The following SYT1 variants were observed in gnomAD, a reference collection of about 807,000 sequenced individuals.
SYT1 encodes synaptotagmin 1.
In SYT1, 8 loss-of-function variants were observed where a neutral mutation model predicts 44.8. The observed-to-expected ratio is 0.18, with a 90% confidence interval of 0.10 to 0.32. The LOEUF is 0.32. Ranked by LOEUF, SYT1 falls within the 10% of genes least tolerant of loss-of-function variation. SYT1 has a pLI of 1.00. For synonymous variants in SYT1, 154 were observed against 188.8 expected (o/e 0.82, Z 1.51); for missense variants, 286 against 509.3 (o/e 0.56, Z 4.22).
At chr12:79,136,562 C>G (rs1869204457) in intron 3 of SYT1, among the ~76,000 whole-genome samples, 2 of 152,148 alleles carry the variant, frequency 1.3e-5, no homozygotes, top group African/African-American at 4.8e-5. Flanking sequence ...ATACTATTTT[C>G]TGTAGCTTCT....
At chr12:78,955,934 G>A (rs1447135319) in intron 1 of SYT1, among the ~76,000 whole-genome samples, 3 of 150,616 alleles carry the variant, frequency 2.0e-5, no homozygotes, top group East Asian at 2.0e-4. Flanking sequence ...GTTCAAACTC[G>A]TAGTTTAATA....
At chr12:79,188,758 A>T (rs1343463357) in intron 3 of SYT1, among the ~76,000 whole-genome samples, 2 of 152,084 alleles carry the variant, frequency 1.3e-5, no homozygotes, top group African/African-American at 4.8e-5. Context: ...CCCCACAAAG[A>T]GTAAGGAGAG....
At chr12:79,188,687 TC>T (rs1872939175) in intron 3 of SYT1, among the ~76,000 whole-genome samples, 1 of 152,156 alleles carries the variant, frequency 6.6e-6, no homozygotes, top group Non-Finnish European at 1.5e-5. Flanking sequence ...TTTTTTTCTA[TC>T]TTGAGGGAAA....
At chr12:79,445,472 CT>C (rs1436819277) in intron 10 of SYT1, among the ~76,000 whole-genome samples, 1 of 151,982 alleles carries the variant, frequency 6.6e-6, no homozygotes, top group Non-Finnish European at 1.5e-5. Flanking sequence ...CCTTCCCAGT[CT>C]TTAGTATCCT....
chr12:79,234,535 T>A, intron 4 of SYT1, among the ~76,000 whole-genome samples: 1 of 152,234 alleles, frequency 6.6e-6, no homozygotes, highest in Admixed American at 6.5e-5. Context: ...GTCTGATTTC[T>A]TTCACTTAGC....
intron 3 of SYT1, among the ~76,000 whole-genome samples, chr12:79,087,274 A>T (rs1877445269): frequency 6.6e-6 from 1 of 152,160 alleles, no homozygotes; most frequent in Non-Finnish European, 1.5e-5. Flanking sequence ...GCTATTAAAA[A>T]AGCAGAAGGA....
chr12:79,382,154 G>C (rs1053578813), intron 9 of SYT1, among the ~76,000 whole-genome samples: 1 of 152,156 alleles, frequency 6.6e-6, no homozygotes, highest in African/African-American at 2.4e-5. Flanking sequence ...ATTCTCAGTC[G>C]TGCGAGTCTG....
intron 3 of SYT1, among the ~76,000 whole-genome samples, chr12:79,208,055 C>T (rs1874229258): frequency 6.6e-6 from 1 of 151,606 alleles, no homozygotes; most frequent in South Asian, 2.1e-4. Context: ...GAGAAACTTA[C>T]AGCTGCATCT....
rs145787226 is a variant in SYT1, at chr12:79,401,163, G to A, written c.929-42910G>A. Among the ~76,000 whole-genome samples, 87 of 152,260 alleles carry A rather than the reference G, an allele frequency of 5.7e-4. 1 individual carries two copies. Among genetic ancestry groups the A allele is most frequent in the African/African-American group, 1.9e-3 (77 of 41,552 alleles). ...TCAAACAAGGGCCAATGGAATACTGGTGACAAAGTTGAATAGCACTAGTAA... is the reference window on the plus strand; with the variant it reads ...TCAAACAAGGGCCAATGGAATACTGATGACAAAGTTGAATAGCACTAGTAA... On this transcript the variant is annotated intron_variant, in intron 9 of 10. Transcript: ENST00000261205.
intron 9 of SYT1, among the ~76,000 whole-genome samples, chr12:79,365,600 G>A (rs1211274080): frequency 6.6e-6 from 1 of 152,032 alleles, no homozygotes; most frequent in Non-Finnish European, 1.5e-5. Flanking sequence ...CTACATATCA[G>A]TGAGAAAGAA....
chr12:79,354,203 T>C (rs1883023235), intron 9 of SYT1, among the ~76,000 whole-genome samples: 1 of 152,174 alleles, frequency 6.6e-6, no homozygotes, highest in Admixed American at 6.6e-5. Flanking sequence ...TAGTAAAACG[T>C]GGTGGATAAA....
intron 9 of SYT1, among the ~76,000 whole-genome samples, chr12:79,414,044 A>G (rs1868586371): frequency 6.6e-6 from 1 of 152,190 alleles, no homozygotes; most frequent in Non-Finnish European, 1.5e-5. Context: ...GTGGGCAATA[A>G]CACAGAACAC....
chr12:78,890,007 T>G (rs1480428851), intron 1 of SYT1, among the ~76,000 whole-genome samples: 1 of 151,972 alleles, frequency 6.6e-6, no homozygotes, highest in Non-Finnish European at 1.5e-5. Flanking sequence ...TCAGTACAGT[T>G]TGCATCTGGG....
chr12:79,056,772 T>C (rs1253438306), intron 3 of SYT1, among the ~76,000 whole-genome samples: 1 of 152,098 alleles, frequency 6.6e-6, no homozygotes, highest in Non-Finnish European at 1.5e-5. Context: ...ATCACAGCAT[T>C]ATTCTTTTAC....
chr12:79,384,706 TA>T (rs1219819074), intron 9 of SYT1, among the ~76,000 whole-genome samples: 1 of 152,206 alleles, frequency 6.6e-6, no homozygotes, highest in Non-Finnish European at 1.5e-5. Flanking sequence ...TCTAAATTTA[TA>T]GTTCCATTGT....
Position 78,931,228 on chromosome 12 carries a change from AAAGAAAGAAAGAAGGAAGG to A in SYT1, c.-216-46567_-216-46549del, listed in dbSNP as rs1565723384. ...GAAAGAAAGAAAGAAAGAAAGAAAG[AAAGAAAGAAAGAAGGAAGG>A]AAGGAAGGAAGGAAGGAAGGAAGGA... On this transcript the variant is annotated intron_variant, in intron 1 of 10. Transcript: ENST00000261205. Among the ~76,000 whole-genome samples the A allele has an allele frequency of 1.2e-3, 74 of 64,206 alleles. 2 individuals carry two copies. Among genetic ancestry groups the A allele is most frequent in the Middle Eastern group, 7.0e-3 (1 of 142 alleles). The allele number at this position is 64,206 out of a possible 152,430, so 42.1% of individuals were successfully genotyped here.
intron 3 of SYT1, among the ~76,000 whole-genome samples, chr12:79,124,461 T>C (rs910119510): frequency 2.6e-5 from 4 of 152,216 alleles, no homozygotes; most frequent in Middle Eastern, 6.8e-3. Flanking sequence ...TGTCGTGAGG[T>C]AGAATATAGA....
intron 9 of SYT1, among the ~76,000 whole-genome samples, chr12:79,386,935 A>C (rs1385407780): frequency 6.6e-6 from 1 of 152,184 alleles, no homozygotes; most frequent in Non-Finnish European, 1.5e-5. Context: ...TATATGAAAG[A>C]CATTCTATGG....
chr12:78,868,874 A>T (rs1873679500), intron 1 of SYT1: 2 of 151,820 alleles, frequency 1.3e-5, no homozygotes, highest in Non-Finnish European at 3.0e-5. Flanking sequence ...CATGATTGAA[A>T]AAACTCTCAG....
Sources: gnomAD v4.1 joint callset for allele counts (sites outside exome capture counted in the v4.1 genomes callset) on GRCh38, gnomAD v4.1.1 for gene constraint, MANE v1.5 for transcripts, NCBI Gene and HGNC (gene_info 2026-07-23, HGNC 2026-07-21) for gene names.